The following PLCXD3 variants were observed in gnomAD, a reference collection of about 807,000 sequenced individuals.
PLCXD3 encodes the protein phosphatidylinositol specific phospholipase C X domain containing 3.
In PLCXD3, 19 loss-of-function variants were observed where a neutral mutation model predicts 25.5. The observed-to-expected ratio is 0.75, with a 90% CI of 0.52 to 1.09. The LOEUF (loss-of-function observed/expected upper bound fraction) is 1.09, where lower values mean the gene tolerates loss of function less well. Among genes scored for constraint, PLCXD3 ranks in the 50% least tolerant of loss-of-function variants. PLCXD3 has a pLI of 0.00. For synonymous variants in PLCXD3, 174 were observed against 137.6 expected (o/e 1.26, Z -1.85); for missense variants, 411 against 388.1 (o/e 1.06, Z -0.50).
intron 1 of PLCXD3, among the ~76,000 whole-genome samples, chr5:41,506,950 C>T (rs62359170): frequency 0.061 from 9,114 of 150,622 alleles, 380 homozygotes; most frequent in Middle Eastern, 0.12. Context: ...CAGTTTGCTA[C>T]ACTATATGAA....
chr5:41,433,738 A>G (rs1387827153), intron 1 of PLCXD3, among the ~76,000 whole-genome samples: 2 of 152,242 alleles, frequency 1.3e-5, no homozygotes, highest in Non-Finnish European at 2.9e-5. Flanking sequence ...TGCTCATCTC[A>G]GCTGATCTAA....
intron 1 of PLCXD3, among the ~76,000 whole-genome samples, chr5:41,499,524 G>A (rs1598738): frequency 0.11 from 16,596 of 151,706 alleles, 1,288 homozygotes; most frequent in African/African-American, 0.22. Context: ...GTCATCATAC[G>A]TTCATGGACT....
chr5:41,359,443 G>C (rs529544282), intron 2 of PLCXD3, among the ~76,000 whole-genome samples: 3 of 152,186 alleles, frequency 2.0e-5, no homozygotes, highest in African/African-American at 4.8e-5. Flanking sequence ...TTTAATCTGG[G>C]AGGGTTGTAT....
chr5:41,430,472 C>A (rs1337410405), intron 1 of PLCXD3, among the ~76,000 whole-genome samples: 1 of 152,088 alleles, frequency 6.6e-6, no homozygotes, highest in Non-Finnish European at 1.5e-5. Context: ...CTTGAAGGAA[C>A]AAAAATTTCC....
At chr5:41,350,425 T>C (rs1744425752) in intron 2 of PLCXD3, among the ~76,000 whole-genome samples, 1 of 152,218 alleles carries the variant, frequency 6.6e-6, no homozygotes, top group South Asian at 2.1e-4. Context: ...GCTCTAAGAG[T>C]AAGGGAAACA....
At chr5:41,361,370 G>T (rs1744773676) in intron 2 of PLCXD3, among the ~76,000 whole-genome samples, 1 of 152,176 alleles carries the variant, frequency 6.6e-6, no homozygotes, top group Non-Finnish European at 1.5e-5. Flanking sequence ...CAGTTTTTTG[G>T]TGTCTCAGGG....
At chr5:41,384,974 T>C (rs1346330011) in intron 1 of PLCXD3, among the ~76,000 whole-genome samples, 3 of 152,094 alleles carry the variant, frequency 2.0e-5, no homozygotes, top group Non-Finnish European at 2.9e-5. Flanking sequence ...AACCAATAGA[T>C]ACAAAACAGT....
At position 41,312,645 on chromosome 5, in the gene PLCXD3, T is replaced by G. The variant is rs993774928; in HGVS notation, c.*972A>C. ...TCCCGTCCTTCCTTCTGTCCTTCCC[T>G]CCCTTCTTCCCTCCCTTCCTCCCTC... On this transcript the variant is annotated 3_prime_UTR_variant, in exon 3 of 3. Coordinates refer to ENST00000377801, the MANE Select transcript of PLCXD3 (RefSeq NM_001005473.3). 1 of 134,456 alleles carries G rather than the reference T, an allele frequency of 7.4e-6. No individual in the cohort carries two copies. The highest frequency in any genetic ancestry group is 1.6e-5 in the Non-Finnish European group (1 of 62,562). The allele number at this position is 134,456 out of a possible 1,614,324, so 8.3% of individuals were successfully genotyped here.
At chr5:41,472,457 AAAG>A (rs1690618409) in intron 1 of PLCXD3, among the ~76,000 whole-genome samples, 1 of 152,246 alleles carries the variant, frequency 6.6e-6, no homozygotes, top group Non-Finnish European at 1.5e-5. Flanking sequence ...TTAAGGGGAC[AAAG>A]AAGAAGATAA....
At chr5:41,360,081 T>C (rs1337000756) in intron 2 of PLCXD3, among the ~76,000 whole-genome samples, 1 of 152,208 alleles carries the variant, frequency 6.6e-6, no homozygotes, top group Non-Finnish European at 1.5e-5. Context: ...TAATTTGAAA[T>C]CCTTGTCTTC....
At chr5:41,371,807 A>C (rs1341350218) in intron 2 of PLCXD3, among the ~76,000 whole-genome samples, 4 of 152,188 alleles carry the variant, frequency 2.6e-5, no homozygotes, top group Non-Finnish European at 5.9e-5. Context: ...CCCTGCCTGC[A>C]TAGAGCAGAA....
chr5:41,456,204 T>C (rs187187477), intron 1 of PLCXD3, among the ~76,000 whole-genome samples: 1 of 152,076 alleles, frequency 6.6e-6, no homozygotes, highest in East Asian at 1.9e-4. Flanking sequence ...GATTTATTCA[T>C]GTAGATAGAT....
chr5:41,333,271 C>T (rs888039826), intron 2 of PLCXD3, among the ~76,000 whole-genome samples: 1 of 152,100 alleles, frequency 6.6e-6, no homozygotes, highest in Admixed American at 6.6e-5. Flanking sequence ...TGAGCCCCCA[C>T]AGACCAACTA....
chr5:41,384,048 A>C (rs780292405), intron 1 of PLCXD3, among the ~76,000 whole-genome samples: 1 of 152,086 alleles, frequency 6.6e-6, no homozygotes, highest in Non-Finnish European at 1.5e-5. Context: ...GATACCCTGA[A>C]AATCATAACC....
intron 1 of PLCXD3, among the ~76,000 whole-genome samples, chr5:41,501,415 T>C (rs767642393): frequency 2.6e-5 from 4 of 152,080 alleles, no homozygotes; most frequent in East Asian, 1.9e-4. Context: ...GAAGACATTA[T>C]GCGAACTGAA....
intron 1 of PLCXD3, among the ~76,000 whole-genome samples, chr5:41,463,146 C>T (rs1231063271): frequency 1.3e-5 from 2 of 151,994 alleles, no homozygotes; most frequent in African/African-American, 2.4e-5. Context: ...TTGTATACAA[C>T]AGGGTAATCT....
At position 41,490,361 on chromosome 5, in the gene PLCXD3, T is replaced by A. The variant is rs1217704493; in HGVS notation, c.103+20063A>T. 3.6e-3 allele frequency among the ~76,000 whole-genome samples: 550 copies of A among 152,256 alleles called. 4 individuals are homozygous for A. The highest frequency in any genetic ancestry group is 0.011 in the African/African-American group (455 of 41,554). On this transcript the variant is annotated intron_variant, in intron 1 of 2. Coordinates refer to ENST00000377801, the MANE Select transcript of PLCXD3 (RefSeq NM_001005473.3). ...CCAGTATTTTATTGAGGATTTTTGC[T>A]TCAATGTTCATCAAGGATATTGGTC... is the stretch of plus-strand genomic sequence containing the variant.
At chr5:41,335,063 T>G (rs1323336991) in intron 2 of PLCXD3, among the ~76,000 whole-genome samples, 1 of 152,284 alleles carries the variant, frequency 6.6e-6, no homozygotes, top group East Asian at 1.9e-4. Context: ...CTGTGTGGGA[T>G]CACATGTTCT....
At chr5:41,441,453 G>A (rs984539662) in intron 1 of PLCXD3, among the ~76,000 whole-genome samples, 1 of 152,158 alleles carries the variant, frequency 6.6e-6, no homozygotes, top group Non-Finnish European at 1.5e-5. Flanking sequence ...CTAATGGAAA[G>A]CTAATTTCTC....
Sources: gnomAD v4.1 joint callset for allele counts (sites outside exome capture counted in the v4.1 genomes callset) on GRCh38, gnomAD v4.1.1 for gene constraint, MANE v1.5 for transcripts, NCBI Gene and HGNC (gene_info 2026-07-23, HGNC 2026-07-21) for gene names.